Variants in PGCKA1 observed in about 807,000 individuals in gnomAD.
The protein encoded by PGCKA1 is PDCD10 and GCKIII kinases associated 1, also known as PDCD10 and GCKIII kinases-associated protein 1.
the PGCKA1 span, among the ~76,000 whole-genome samples, chr4:37,465,329 A>G: frequency 6.6e-6 from 1 of 152,000 alleles, no homozygotes; most frequent in Non-Finnish European, 1.5e-5. Context: ...GGTGGTGAGG[A>G]TACAAAGGTG....
the PGCKA1 span, among the ~76,000 whole-genome samples, chr4:37,528,025 G>T: frequency 6.6e-6 from 1 of 152,130 alleles, no homozygotes. Context: ...TTCTCAGAAT[G>T]TGTCTTTGTA....
chr4:37,561,347 A>C, the PGCKA1 span, among the ~76,000 whole-genome samples: 3 of 152,210 alleles, frequency 2.0e-5, no homozygotes, highest in African/African-American at 4.8e-5. Context: ...GAAGGCAGGA[A>C]AGACGTCAAA....
At chr4:37,563,582 G>C in the PGCKA1 span, among the ~76,000 whole-genome samples, 1 of 152,058 alleles carries the variant, frequency 6.6e-6, no homozygotes, top group African/African-American at 2.4e-5. Context: ...AATGAGTTAG[G>C]GTTTCAACAT....
At chr4:37,540,691 A>G in the PGCKA1 span, among the ~76,000 whole-genome samples, 1 of 152,162 alleles carries the variant, frequency 6.6e-6, no homozygotes, top group African/African-American at 2.4e-5. Flanking sequence ...GCTGAATCGT[A>G]TCCAAGGAAG....
the PGCKA1 span, among the ~76,000 whole-genome samples, chr4:37,578,373 C>T: frequency 0.15 from 22,592 of 152,020 alleles, 4,598 homozygotes; most frequent in African/African-American, 0.46. Context: ...TTATTCCTGC[C>T]CTTTTTTGGT....
chr4:37,586,189 C>T, the PGCKA1 span, among the ~76,000 whole-genome samples: 1,005 of 152,118 alleles, frequency 6.6e-3, 9 homozygotes, highest in African/African-American at 0.021. Flanking sequence ...GTGACTGAGG[C>T]CCAAAGTCCC....
chr4:37,522,534 GA>G, the PGCKA1 span, among the ~76,000 whole-genome samples: 1 of 151,974 alleles, frequency 6.6e-6, no homozygotes, highest in Admixed American at 6.6e-5. Context: ...TCAATTCCTG[GA>G]ATCTGGGACC....
chr4:37,576,397 T>C, the PGCKA1 span, among the ~76,000 whole-genome samples: 3 of 152,108 alleles, frequency 2.0e-5, no homozygotes, highest in Non-Finnish European at 4.4e-5. Flanking sequence ...TCTTGGCATA[T>C]AGAAATGCTA....
the PGCKA1 span, among the ~76,000 whole-genome samples, chr4:37,513,181 A>G: frequency 2.5e-4 from 38 of 152,100 alleles, no homozygotes; most frequent in Non-Finnish European, 4.3e-4. Context: ...TAAACTCCTT[A>G]TGCTTATTAT....
chr4:37,471,251 C>T, the PGCKA1 span, among the ~76,000 whole-genome samples: 1 of 152,270 alleles, frequency 6.6e-6, no homozygotes, highest in Non-Finnish European at 1.5e-5. Flanking sequence ...TTGGTTACAG[C>T]TAGGTATTTG....
the PGCKA1 span, among the ~76,000 whole-genome samples, chr4:37,561,817 T>C: frequency 6.6e-6 from 1 of 152,228 alleles, no homozygotes; most frequent in South Asian, 2.1e-4. Context: ...TAACTTGTTT[T>C]ATGTGTGTTT....
chr4:37,454,864 C>T, the PGCKA1 span, among the ~76,000 whole-genome samples: 1 of 152,212 alleles, frequency 6.6e-6, no homozygotes, highest in Non-Finnish European at 1.5e-5. Context: ...TGACTTAGTA[C>T]ATTTTATGTT....
chr4:37,466,234 G>A, the PGCKA1 span, among the ~76,000 whole-genome samples: 63,333 of 151,818 alleles, frequency 0.42, 14,022 homozygotes, highest in Non-Finnish European at 0.49. Context: ...ATTATATTTC[G>A]TTTCTGAAAT....
At chr4:37,455,177 A>G in the PGCKA1 span, among the ~76,000 whole-genome samples, 57 of 152,292 alleles carry the variant, frequency 3.7e-4, no homozygotes, top group African/African-American at 1.2e-3. Flanking sequence ...AATAGAGTCT[A>G]TATTTGTTGC....
chr4:37,530,270 G>A, the PGCKA1 span, among the ~76,000 whole-genome samples: 1 of 152,132 alleles, frequency 6.6e-6, no homozygotes, highest in Admixed American at 6.5e-5. Context: ...TTTCCAAGAA[G>A]AGGTGAAAAT....
chr4:37,532,969 G>C, the PGCKA1 span, among the ~76,000 whole-genome samples: 1 of 138,654 alleles, frequency 7.2e-6, no homozygotes, highest in Non-Finnish European at 1.6e-5. Flanking sequence ...GGGGGGAACA[G>C]TGGGAGGGGG....
the PGCKA1 span, among the ~76,000 whole-genome samples, chr4:37,466,791 A>G: frequency 6.6e-5 from 10 of 152,280 alleles, no homozygotes; most frequent in African/African-American, 2.2e-4. Context: ...AAAAATCCAT[A>G]TATCATCAAC....
chr4:37,498,539 C>T, the PGCKA1 span, among the ~76,000 whole-genome samples: 1 of 152,140 alleles, frequency 6.6e-6, no homozygotes, highest in African/African-American at 2.4e-5. Context: ...TCCATGAGCA[C>T]GGGATATGTT....
At chr4:37,518,523 C>T in the PGCKA1 span, among the ~76,000 whole-genome samples, 1 of 152,150 alleles carries the variant, frequency 6.6e-6, no homozygotes, top group African/African-American at 2.4e-5. Flanking sequence ...TGATGATCAG[C>T]GATGTTAAGC....
Sources: allele counts gnomAD v4.1 joint callset (sites outside exome capture counted in the v4.1 genomes callset), GRCh38; gene constraint gnomAD v4.1.1; transcripts MANE v1.5; gene names NCBI Gene and HGNC (gene_info 2026-07-23, HGNC 2026-07-21).